Variants in OR1C1 observed in about 807,000 individuals in gnomAD.
OR1C1 encodes olfactory receptor family 1 subfamily C member 1.
For missense variants in OR1C1, 407 were observed against 384.3 expected, an observed-to-expected ratio of 1.06 and a Z score of -0.49; for synonymous variants, 153 against 154.6, an observed-to-expected ratio of 0.99 and a Z score of 0.08.
rs1339232928 is a variant in OR1C1, at chr1:247,755,944, CACCGAA to C, written c.*1512_*1517del. The C allele has an allele frequency of 1.3e-5, 2 of 152,080 alleles. No individual in the cohort carries two copies. Among genetic ancestry groups the C allele is most frequent in the African/African-American group, 4.8e-5 (2 of 41,402 alleles). The allele number at this position is 152,080 out of a possible 1,614,324, so 9.4% of individuals were successfully genotyped here. ...GTCTCTAAACCCTAGCAGTGTCCTG[CACCGAA>C]ACTTCTAAGCTTAAACAGTTTTCTA... is the stretch of plus-strand genomic sequence containing the variant. On this transcript the variant is annotated 3_prime_UTR_variant, in exon 2 of 2. Transcript: ENST00000641256.
rs931115515 is a variant in OR1C1, at chr1:247,755,018, T to C, written c.*2444A>G. The C allele has an allele frequency of 6.6e-6, 1 of 152,164 alleles. No homozygotes were observed. The highest frequency in any genetic ancestry group is 2.4e-5 in the African/African-American group (1 of 41,454). The allele number at this position is 152,164 out of a possible 1,614,324, so 9.4% of individuals were successfully genotyped here. ...ACATAGAAATAAATTGATACATTCA[T>C]GGTCAATTGATCTTTGACAAAGGTG... is the stretch of plus-strand genomic sequence containing the variant. On this transcript the variant is annotated 3_prime_UTR_variant, in exon 2 of 2. Transcript: ENST00000641256.
At chr1:247,759,617 A>C (rs1558318635) in intron 1 of OR1C1, among the ~76,000 whole-genome samples, 1 of 152,236 alleles carries the variant, frequency 6.6e-6, no homozygotes, top group Non-Finnish European at 1.5e-5. Context: ...TAATGAAAAT[A>C]ACATAATGTA....
rs537868519 is a variant in OR1C1, at chr1:247,754,892, AC to A, written c.*2569del. ...TATATTTATCAAAACATCCCTGTGT[AC>A]TCCATAAGTGTGTATGATTATTTTA... On this transcript the variant is annotated 3_prime_UTR_variant, in exon 2 of 2. Coordinates refer to ENST00000641256, the MANE Select transcript of OR1C1 (RefSeq NM_012353.3). 2.2e-3 allele frequency: 341 copies of A among 152,296 alleles called. 2 individuals carry two copies. The highest frequency in any genetic ancestry group is 6.8e-3 in the Middle Eastern group (2 of 294). The allele number at this position is 152,296 out of a possible 1,614,324, so 9.4% of individuals were successfully genotyped here.
At position 247,756,795 on chromosome 1, in the gene OR1C1, T is replaced by C. The variant is rs1422332709; in HGVS notation, c.*667A>G. 2 of 152,140 alleles carry C rather than the reference T, an allele frequency of 1.3e-5. No individual in the cohort carries two copies. The highest frequency in any genetic ancestry group is 2.9e-5 in the Non-Finnish European group (2 of 68,038). The allele number at this position is 152,140 out of a possible 1,614,324, so 9.4% of individuals were successfully genotyped here. A position where few individuals can be genotyped will look rare whatever the true frequency, so the allele number is the denominator to read the frequency against. On this transcript the variant is annotated 3_prime_UTR_variant, in exon 2 of 2. Transcript: ENST00000641256. The surrounding 1 kb of genome is among the most constrained non-coding windows in gnomAD (Gnocchi z 4.3). ...AACCTGATCTCTTCTCTAAAGATAT[T>C]GTATACCCAAAGCACTCCTAGTTGT...
At chr1:247,759,615 A>G (rs1661294162) in intron 1 of OR1C1, among the ~76,000 whole-genome samples, 1 of 152,226 alleles carries the variant, frequency 6.6e-6, no homozygotes, top group Admixed American at 6.5e-5. Flanking sequence ...CCTAATGAAA[A>G]TAACATAATG....
rs1661191238 is a variant in OR1C1 at position 247,755,283 on chromosome 1, A to G, written c.*2179T>C. The G allele has an allele frequency of 2.6e-5, 4 of 152,166 alleles. No homozygotes were observed. In the South Asian group the frequency reaches 8.3e-4, roughly 32 times the overall value. 9.4% of individuals were successfully genotyped at this position (152,166 alleles called of 1,614,324 possible). A position where few individuals can be genotyped will look rare whatever the true frequency, so the allele number is the denominator to read the frequency against. ...TAATCTTTTAGATATGACTCCCACA[A>G]TTGACAAAACTAAAATTAACAAGCG... On this transcript the variant is annotated 3_prime_UTR_variant, in exon 2 of 2. Transcript: ENST00000641256.
In OR1C1 at chr1:247,757,528, C is replaced by A. The variant is rs1661231326; in HGVS notation, c.879G>T (p.Arg293Ser). The A allele has an allele frequency of 1.2e-6, 2 of 1,613,824 alleles. No individual in the cohort carries two copies. The highest frequency in any genetic ancestry group is 2.2e-5 in the South Asian group (2 of 91,090). ...GAAGTCCCCTCTTCATATCCCTGTT[C>A]CTTAGGGTATAGATGAAAGGATTCA... ...PMLNPFIYTL[R>S]NRDMKRGLQK... Residue 293 changes from arginine to serine, a missense_variant, in exon 2 of 2, where the codon AGG (arginine) becomes AGT (serine). By Grantham distance (110) the Arg-to-Ser change is moderately radical. Coordinates refer to ENST00000641256, the MANE Select transcript of OR1C1 (RefSeq NM_012353.3).
intron 1 of OR1C1, among the ~76,000 whole-genome samples, chr1:247,759,425 C>A (rs1661291461): frequency 6.6e-6 from 1 of 152,130 alleles, no homozygotes; most frequent in Non-Finnish European, 1.5e-5. Flanking sequence ...TGAGGCCTTT[C>A]TAGTCTTTTC....
chr1:247,757,479 CTG>C lies in OR1C1; in HGVS notation c.926_927del (p.Thr309SerfsTer25). On this transcript the variant is annotated frameshift_variant, in exon 2 of 2. Coordinates refer to ENST00000641256, the MANE Select transcript of OR1C1 (RefSeq NM_012353.3). LOFTEE classifies it high-confidence loss of function. ...RGLQKMLLKC[T>X]VFQQQ ...TGAGGTCATTATTGCTGCTGAAAGACTGTGCACTTGAGAAGCATTTTCTGAAG... is the reference window on the plus strand; with the variant it reads ...TGAGGTCATTATTGCTGCTGAAAGACTGCACTTGAGAAGCATTTTCTGAAG... 1 of 1,613,014 alleles carries C rather than the reference CTG, an allele frequency of 6.2e-7. No homozygotes were observed. The highest frequency in any genetic ancestry group is 2.2e-5 in the East Asian group (1 of 44,872).
Position 247,757,193 on chromosome 1 carries a change from C to T in OR1C1, c.*269G>A, listed in dbSNP as rs1255790375. 1 of 226,032 alleles carries T rather than the reference C, an allele frequency of 4.4e-6. No individual in the cohort carries two copies. The highest frequency in any genetic ancestry group is 2.9e-5 in the African/African-American group (1 of 34,524). The allele number at this position is 226,032 out of a possible 1,614,324, so 14.0% of individuals were successfully genotyped here. On this transcript the variant is annotated 3_prime_UTR_variant, in exon 2 of 2. Coordinates refer to ENST00000641256, the MANE Select transcript of OR1C1 (RefSeq NM_012353.3). ...TTCTCATCACTAAGGTATATTTGTACTGGAGTCAGAAACTATTTATCAGCT... is the reference window on the plus strand; with the variant it reads ...TTCTCATCACTAAGGTATATTTGTATTGGAGTCAGAAACTATTTATCAGCT...
At chr1:247,758,648 A>C (rs1341408434) in intron 1 of OR1C1, 4 of 400,006 alleles carry the variant, frequency 1.0e-5, no homozygotes, top group Non-Finnish European at 1.8e-5. Context: ...ACTTCTTTCA[A>C]GACTGACTTC....
chr1:247,759,677 C>A (rs145910024), intron 1 of OR1C1, among the ~76,000 whole-genome samples: 1 of 152,184 alleles, frequency 6.6e-6, no homozygotes, highest in East Asian at 1.9e-4. Flanking sequence ...AGCTGATTAA[C>A]CCTAGAGAAC....
At position 247,756,448 on chromosome 1, in the gene OR1C1, T is replaced by C. The variant is rs1427655676; in HGVS notation, c.*1014A>G. 2 of 152,122 alleles carry C rather than the reference T, an allele frequency of 1.3e-5. No individual in the cohort carries two copies. The highest frequency in any genetic ancestry group is 2.9e-5 in the Non-Finnish European group (2 of 68,024). 9.4% of individuals were successfully genotyped at this position (152,122 alleles called of 1,614,324 possible). On this transcript the variant is annotated 3_prime_UTR_variant, in exon 2 of 2. Transcript: ENST00000641256. The surrounding 1 kb of genome is among the most constrained non-coding windows in gnomAD (Gnocchi z 4.3). Reference sequence around the variant, plus strand: ...TATAAGGTTTTAAATATTATACATGTGTTCGTTCAAGAAATTACAGAGGTC... The same window carrying C: ...TATAAGGTTTTAAATATTATACATGCGTTCGTTCAAGAAATTACAGAGGTC...
At position 247,757,680 on chromosome 1, in the gene OR1C1, A is replaced by G. The variant is rs1192139900; in HGVS notation, c.727T>C (p.Cys243Arg). The change falls in exon 2 of 2, where the codon TGC becomes CGC. Residue 243 changes from cysteine (C) to arginine (R), a missense_variant. Coordinates refer to ENST00000641256, the MANE Select transcript of OR1C1 (RefSeq NM_012353.3). Reference protein sequence around the residue: ...GKQRAVSTCSCHLSVVVLFYG... With the variant: ...GKQRAVSTCSRHLSVVVLFYG... ...AACAACACCACCACTGACAGGTGGC[A>G]GCTGCAGGTGGAAACAGCTCTCTGC... is the stretch of plus-strand genomic sequence containing the variant. 1 of 1,614,074 alleles carries G rather than the reference A, an allele frequency of 6.2e-7. No individual in the cohort carries two copies. Among genetic ancestry groups the G allele is most frequent in the Non-Finnish European group, 8.5e-7 (1 of 1,179,984 alleles).
At position 247,757,357 on chromosome 1, in the gene OR1C1, G is replaced by C; in HGVS notation, c.*105C>G. 1.2e-6 allele frequency: 1 copy of C among 804,452 alleles called. No homozygotes were observed. Among genetic ancestry groups the C allele is most frequent in the South Asian group, 1.7e-5 (1 of 59,290 alleles). 49.8% of individuals were successfully genotyped at this position (804,452 alleles called of 1,614,324 possible). A position where few individuals can be genotyped will look rare whatever the true frequency, so the allele number is the denominator to read the frequency against. ...GCTTAACACGATTTCCAGCATAAGG[G>C]AGACATTTAATAGCAGTTGGTTTCT... On this transcript the variant is annotated 3_prime_UTR_variant, in exon 2 of 2. Transcript: ENST00000641256.
chr1:247,757,502 T>C lies in OR1C1; in HGVS notation c.905A>G (p.Gln302Arg), dbSNP rs1304258680. ...GACTGTGCACTTGAGAAGCATTTTC[T>C]GAAGTCCCCTCTTCATATCCCTGTT... is the stretch of plus-strand genomic sequence containing the variant. ...LRNRDMKRGL[Q>R]KMLLKCTVFQ... Residue 302 changes from glutamine (Q) to arginine (R), a missense_variant, in exon 2 of 2, where the codon CAG becomes CGG. Gln to Arg is a conservative substitution (Grantham distance 43). Coordinates refer to ENST00000641256, the MANE Select transcript of OR1C1 (RefSeq NM_012353.3). 1 of 1,613,780 alleles carries C rather than the reference T, an allele frequency of 6.2e-7. No homozygotes were observed. Among genetic ancestry groups the C allele is most frequent in the Non-Finnish European group, 8.5e-7 (1 of 1,179,974 alleles).
chr1:247,758,651 C>T (rs528857138), intron 1 of OR1C1: 1 of 392,908 alleles, frequency 2.5e-6, no homozygotes, highest in South Asian at 6.5e-5. Flanking sequence ...TCTTTCAAGA[C>T]TGACTTCTTC....
intron 1 of OR1C1, 70 bp from the exon 2 acceptor site, chr1:247,758,489 T>TGC: frequency 2.4e-6 from 1 of 408,898 alleles, no homozygotes; most frequent in South Asian, 3.4e-5. Context: ...AGAGAGACAG[T>TGC]GTGTGTGTGT....
In OR1C1 at chr1:247,757,256, C is replaced by A; in HGVS notation, c.*206G>T. 1.9e-6 allele frequency: 1 copy of A among 531,752 alleles called. No individual in the cohort carries two copies. The highest frequency in any genetic ancestry group is 3.3e-6 in the Non-Finnish European group (1 of 299,118). 32.9% of individuals were successfully genotyped at this position (531,752 alleles called of 1,614,324 possible). ...CAGACTATTTAACTTCCCTAAGATTCACTTTCTGTATAAAGAATGCTATAT... is the reference window on the plus strand; with the variant it reads ...CAGACTATTTAACTTCCCTAAGATTAACTTTCTGTATAAAGAATGCTATAT... On this transcript the variant is annotated 3_prime_UTR_variant, in exon 2 of 2. Transcript: ENST00000641256.
Sources: allele counts gnomAD v4.1 joint callset (sites outside exome capture counted in the v4.1 genomes callset), GRCh38; gene constraint gnomAD v4.1.1; non-coding constraint Gnocchi (gnomAD v3.1); transcripts MANE v1.5; gene names NCBI Gene and HGNC (gene_info 2026-07-23, HGNC 2026-07-21).